The following TBC1D19 variants were observed in gnomAD, a reference collection of about 807,000 sequenced individuals.
TBC1D19 encodes TBC1 domain family member 19.
A neutral mutation model predicts 89.0 loss-of-function variants in TBC1D19; 60 were observed. That is an observed-to-expected ratio of 0.67 (90% CI 0.55 to 0.84). The LOEUF (loss-of-function observed/expected upper bound fraction) is 0.84. TBC1D19 is among the 40% of genes least tolerant of loss of function. The probability of loss-of-function intolerance (pLI) is 0.00; values close to 1 mark genes in which losing one functional copy is unlikely to be tolerated. For synonymous variants in TBC1D19, 189 were observed against 199.7 expected (o/e 0.95, Z 0.45); for missense variants, 500 against 610.8 (o/e 0.82, Z 1.91).
chr4:26,694,149 C>T (rs1714546567), intron 13 of TBC1D19, among the ~76,000 whole-genome samples: 1 of 152,124 alleles, frequency 6.6e-6, no homozygotes, highest in Non-Finnish European at 1.5e-5. Context: ...CTTTTCTAGC[C>T]AAGAGAAGGG....
the TBC1D19 span, among the ~76,000 whole-genome samples, chr4:26,847,162 C>T: frequency 3.3e-5 from 5 of 152,296 alleles, no homozygotes; most frequent in African/African-American, 1.2e-4. Flanking sequence ...TGCTACCACA[C>T]ACTCTTCTAG....
chr4:26,715,737 A>G (rs562335371), intron 13 of TBC1D19, among the ~76,000 whole-genome samples: 3 of 152,152 alleles, frequency 2.0e-5, no homozygotes, highest in African/African-American at 7.2e-5. Flanking sequence ...TGAGCAAAAT[A>G]GCTCTCTCCA....
At chr4:26,817,980 A>AT in the TBC1D19 span, among the ~76,000 whole-genome samples, 720 of 114,766 alleles carry the variant, frequency 6.3e-3, 10 homozygotes, top group East Asian at 0.075. Flanking sequence ...AAAAAAAAAA[A>AT]AATATATATA....
At chr4:26,592,939 A>G (rs1382783614) in intron 1 of TBC1D19, among the ~76,000 whole-genome samples, 2 of 151,986 alleles carry the variant, frequency 1.3e-5, no homozygotes, top group Non-Finnish European at 2.9e-5. Context: ...ATTCAATGCC[A>G]TCCCCATCAA....
At chr4:26,685,208 T>G (rs553486603) in intron 12 of TBC1D19, among the ~76,000 whole-genome samples, 2 of 152,172 alleles carry the variant, frequency 1.3e-5, no homozygotes, top group Non-Finnish European at 2.9e-5. Context: ...GGGGCTACTG[T>G]TAAGGTGTGC....
intron 7 of TBC1D19, among the ~76,000 whole-genome samples, chr4:26,646,908 C>G (rs182406133): frequency 6.6e-6 from 1 of 152,110 alleles, no homozygotes; most frequent in East Asian, 1.9e-4. Flanking sequence ...GCACATGTAC[C>G]CTAGAACTTA....
At chr4:26,651,011 A>ACC (rs1744329513) in intron 7 of TBC1D19, among the ~76,000 whole-genome samples, 2 of 152,178 alleles carry the variant, frequency 1.3e-5, no homozygotes, top group African/African-American at 4.8e-5. Flanking sequence ...GGTTTGTCAA[A>ACC]GATCAGATAG....
At chr4:26,735,378 A>G (rs1717981280) in intron 15 of TBC1D19, 77 bp from the exon 16 acceptor site, 1 of 1,212,406 alleles carries the variant, frequency 8.2e-7, no homozygotes, top group Non-Finnish European at 1.1e-6. Context: ...TTTTATTGTC[A>G]GTTTTAATCT....
At chr4:26,814,099 C>CAGCCCCTCCATTTG in the TBC1D19 span, among the ~76,000 whole-genome samples, 3 of 152,282 alleles carry the variant, frequency 2.0e-5, no homozygotes, top group African/African-American at 7.2e-5. Flanking sequence ...ACCTCGTAAG[C>CAGCCCCTCCATTTG]AGCCCCTCCA....
chr4:26,735,108 ATATG>A (rs937906517), intron 15 of TBC1D19, among the ~76,000 whole-genome samples: 7 of 151,024 alleles, frequency 4.6e-5, no homozygotes, highest in Admixed American at 4.0e-4. Flanking sequence ...ATATATGTAT[ATATG>A]TATACACATG....
chr4:26,747,637 A>G (rs891632226), intron 18 of TBC1D19, among the ~76,000 whole-genome samples: 1 of 152,202 alleles, frequency 6.6e-6, no homozygotes, highest in African/African-American at 2.4e-5. Flanking sequence ...CAGTCAAGTG[A>G]TATTAGATGC....
At position 26,736,544 on chromosome 4, in the gene TBC1D19, T is replaced by TA. The variant is rs200353393; in HGVS notation, c.1117+1064dup. Among the ~76,000 whole-genome samples the TA allele has an allele frequency of 6.8e-3, 1,040 of 152,162 alleles. 1 individual carries two copies. The highest frequency in any genetic ancestry group is 0.01 in the Non-Finnish European group (688 of 67,988). On this transcript the variant is annotated intron_variant, in intron 16 of 20. Coordinates refer to ENST00000264866, the MANE Select transcript of TBC1D19 (RefSeq NM_018317.4). Reference sequence around the variant, plus strand: ...ATGTACCCTAAAACTTAAAGTATAATAAAAAAATAGAACATACTGTGAAAA... The same window carrying TA: ...ATGTACCCTAAAACTTAAAGTATAATAAAAAAAATAGAACATACTGTGAAAA...
chr4:26,732,677 G>GT (rs1359105859), intron 15 of TBC1D19, among the ~76,000 whole-genome samples: 1 of 152,152 alleles, frequency 6.6e-6, no homozygotes, highest in Non-Finnish European at 1.5e-5. Context: ...ATTCTTTGTT[G>GT]TTTTTGAAAT....
intron 1 of TBC1D19, among the ~76,000 whole-genome samples, chr4:26,612,316 A>G (rs531263149): frequency 6.6e-6 from 1 of 151,868 alleles, no homozygotes; most frequent in South Asian, 2.1e-4. Context: ...TGAATCACGG[A>G]AGAGTTAGTG....
At chr4:26,780,491 G>A in the TBC1D19 span, among the ~76,000 whole-genome samples, 1 of 152,168 alleles carries the variant, frequency 6.6e-6, no homozygotes, top group African/African-American at 2.4e-5. Flanking sequence ...CCTACTAACA[G>A]CATCAGATGA....
intron 8 of TBC1D19, among the ~76,000 whole-genome samples, chr4:26,665,264 T>A (rs1233349780): frequency 1.3e-5 from 2 of 152,268 alleles, no homozygotes; most frequent in African/African-American, 4.8e-5. Context: ...AATGTGTATA[T>A]GTGTATGTTA....
At chr4:26,844,318 G>T in the TBC1D19 span, among the ~76,000 whole-genome samples, 1 of 152,084 alleles carries the variant, frequency 6.6e-6, no homozygotes, top group Non-Finnish European at 1.5e-5. Flanking sequence ...CAGGTTTTAG[G>T]AAAACCCAAC....
intron 7 of TBC1D19, among the ~76,000 whole-genome samples, chr4:26,654,889 C>T (rs1744681142): frequency 6.6e-6 from 1 of 152,200 alleles, no homozygotes; most frequent in African/African-American, 2.4e-5. Context: ...AATTCATTCT[C>T]CATCCAGCTT....
chr4:26,699,165 A>G (rs1577953285), intron 13 of TBC1D19, among the ~76,000 whole-genome samples: 1 of 152,226 alleles, frequency 6.6e-6, no homozygotes, highest in Non-Finnish European at 1.5e-5. Flanking sequence ...ACAAACTTAC[A>G]AGAAAAAACA....
Sources: gnomAD v4.1 joint callset for allele counts (sites outside exome capture counted in the v4.1 genomes callset) on GRCh38, gnomAD v4.1.1 for gene constraint, MANE v1.5 for transcripts, NCBI Gene and HGNC (gene_info 2026-07-23, HGNC 2026-07-21) for gene names.